The following EPHA6 variants were observed in gnomAD, a reference collection of about 807,000 sequenced individuals.
EPHA6 encodes ephrin type-A receptor 6.
In EPHA6, 50 loss-of-function variants were observed where a neutral mutation model predicts 112.0. That is an observed-to-expected ratio of 0.45 (90% confidence interval 0.36 to 0.56). The LOEUF is 0.56. Ranked by LOEUF, EPHA6 falls within the 20% of genes least tolerant of loss-of-function variation. The pLI is 0.00. For synonymous variants in EPHA6, 529 were observed against 490.7 expected, an observed-to-expected ratio of 1.08 and a Z score of -1.03; for missense variants, 1,280 against 1,417.4, an observed-to-expected ratio of 0.90 and a Z score of 1.56.
intron 11 of EPHA6, among the ~76,000 whole-genome samples, chr3:97,570,807 T>G (rs1307997671): frequency 6.6e-6 from 1 of 152,080 alleles, no homozygotes; most frequent in Non-Finnish European, 1.5e-5. Flanking sequence ...AATAGAAAGT[T>G]TTGAAGATTT....
intron 5 of EPHA6, among the ~76,000 whole-genome samples, chr3:97,359,545 G>A (rs2084259969): frequency 6.7e-6 from 1 of 150,216 alleles, no homozygotes; most frequent in Non-Finnish European, 1.5e-5. Context: ...TTTAATAGAT[G>A]TGCCACAGGT....
At chr3:97,522,545 G>T (rs1040974947) in intron 10 of EPHA6, among the ~76,000 whole-genome samples, 3 of 152,102 alleles carry the variant, frequency 2.0e-5, no homozygotes, top group Non-Finnish European at 4.4e-5. Context: ...TTCAGTATCA[G>T]GGTAATGCTG....
chr3:96,943,669 C>T (rs930651534), intron 2 of EPHA6, among the ~76,000 whole-genome samples: 18 of 152,090 alleles, frequency 1.2e-4, no homozygotes, highest in East Asian at 1.9e-4. Flanking sequence ...AATAATGTAG[C>T]GTTCTTTCAC....
At chr3:96,911,951 C>T (rs950082263) in intron 2 of EPHA6, among the ~76,000 whole-genome samples, 1 of 151,740 alleles carries the variant, frequency 6.6e-6, no homozygotes, top group African/African-American at 2.4e-5. Flanking sequence ...TACAGAATGT[C>T]TCAATTTAAG....
At chr3:97,302,219 A>G (rs977594856) in intron 5 of EPHA6, among the ~76,000 whole-genome samples, 1 of 152,046 alleles carries the variant, frequency 6.6e-6, no homozygotes, top group African/African-American at 2.4e-5. Context: ...TCTCAATTGC[A>G]TATACAATTT....
chr3:97,733,673 G>A (rs1212604060), intron 15 of EPHA6, among the ~76,000 whole-genome samples: 3 of 152,022 alleles, frequency 2.0e-5, no homozygotes, highest in African/African-American at 4.8e-5. Context: ...ACAGTACAAT[G>A]TTATGGATGC....
chr3:97,431,972 A>T (rs367571497), intron 6 of EPHA6, among the ~76,000 whole-genome samples: 1 of 152,260 alleles, frequency 6.6e-6, no homozygotes, highest in East Asian at 1.9e-4. Context: ...AAATGGTTTC[A>T]TTGTACCTAT....
chr3:97,029,233 C>A (rs979536228), intron 3 of EPHA6, among the ~76,000 whole-genome samples: 1 of 151,382 alleles, frequency 6.6e-6, no homozygotes, highest in African/African-American at 2.4e-5. Context: ...AAATTATTTT[C>A]TAAATTCCAG....
At chr3:97,036,372 A>G (rs1387377935) in intron 3 of EPHA6, among the ~76,000 whole-genome samples, 6 of 152,070 alleles carry the variant, frequency 3.9e-5, no homozygotes, top group Admixed American at 3.9e-4. Context: ...TATAATAAAC[A>G]CCAAATAGTA....
intron 11 of EPHA6, among the ~76,000 whole-genome samples, chr3:97,543,727 G>A (rs200014113): frequency 6.6e-6 from 1 of 151,948 alleles, no homozygotes. Context: ...CTACCCATGA[G>A]CATGGAATGT....
intron 11 of EPHA6, among the ~76,000 whole-genome samples, chr3:97,580,611 C>T (rs1015334952): frequency 4.6e-5 from 7 of 152,244 alleles, no homozygotes; most frequent in African/African-American, 1.7e-4. Context: ...GGTGGCACAG[C>T]AAGGGGCTGG....
chr3:96,967,572 T>C (rs1037034983), intron 2 of EPHA6, among the ~76,000 whole-genome samples: 2 of 151,978 alleles, frequency 1.3e-5, no homozygotes, highest in East Asian at 3.8e-4. Flanking sequence ...GCCAAGTTTT[T>C]CATGATTGAT....
chr3:97,581,562 A>C (rs942325740), intron 11 of EPHA6, among the ~76,000 whole-genome samples: 6 of 152,246 alleles, frequency 3.9e-5, no homozygotes, highest in African/African-American at 1.4e-4. Context: ...ATAGAGAGAA[A>C]AGAGCCACAG....
chr3:97,088,869 A>T (rs2046981798), intron 3 of EPHA6, among the ~76,000 whole-genome samples: 1 of 152,190 alleles, frequency 6.6e-6, no homozygotes, highest in Non-Finnish European at 1.5e-5. Context: ...TGGAAAGGGT[A>T]ACAGCTAAAA....
intron 14 of EPHA6, among the ~76,000 whole-genome samples, chr3:97,667,773 C>A (rs2030305319): frequency 2.0e-5 from 3 of 152,030 alleles, no homozygotes; most frequent in Admixed American, 6.6e-5. Context: ...AAATTCTATC[C>A]CCATTTCTCA....
chr3:97,311,860 A>G (rs1377417613), intron 5 of EPHA6, among the ~76,000 whole-genome samples: 1 of 151,736 alleles, frequency 6.6e-6, no homozygotes, highest in Non-Finnish European at 1.5e-5. Context: ...ACAAAACAGC[A>G]AAAGAAACAC....
At chr3:97,168,947 G>A (rs1248491606) in intron 3 of EPHA6, among the ~76,000 whole-genome samples, 1 of 152,176 alleles carries the variant, frequency 6.6e-6, no homozygotes, top group Non-Finnish European at 1.5e-5. Context: ...ATGAGGAAAA[G>A]TTTGGAACTA....
chr3:97,531,551 C>T (rs1344179570), intron 10 of EPHA6, among the ~76,000 whole-genome samples: 1 of 152,004 alleles, frequency 6.6e-6, no homozygotes, highest in Non-Finnish European at 1.5e-5. Context: ...TTCCAGCCCC[C>T]ACTGTTCTTA....
At chr3:96,931,785 A>T (rs536439153) in intron 2 of EPHA6, among the ~76,000 whole-genome samples, 13 of 152,152 alleles carry the variant, frequency 8.5e-5, no homozygotes, top group Non-Finnish European at 1.8e-4. Context: ...GTATCATGGA[A>T]GTGGGGCCCT....
Sources: allele counts gnomAD v4.1 joint callset (sites outside exome capture counted in the v4.1 genomes callset), GRCh38; gene constraint gnomAD v4.1.1; transcripts MANE v1.5; gene names NCBI Gene and HGNC (gene_info 2026-07-23, HGNC 2026-07-21).